Variants in UNC13B observed in about 807,000 individuals in gnomAD.
UNC13B encodes the protein unc-13 homolog B.
In UNC13B, 144 loss-of-function variants were observed where a neutral mutation model predicts 211.0. That is an observed-to-expected ratio of 0.68 (90% CI 0.60 to 0.78). UNC13B has a LOEUF of 0.78. Among genes scored for constraint, UNC13B ranks in the 30% least tolerant of loss-of-function variants. UNC13B has a pLI of 0.00. For missense variants in UNC13B, 1,777 were observed against 2,002.0 expected (o/e 0.89, Z 2.14); for synonymous variants, 709 against 725.8 (o/e 0.98, Z 0.37).
intron 11 of UNC13B, chr9:35,352,960 G>A: frequency 1.6e-6 from 2 of 1,232,160 alleles, no homozygotes; most frequent in Non-Finnish European, 2.0e-6. Flanking sequence ...CATTGTCTGG[G>A]TTACTGAAGA....
intron 5 of UNC13B, among the ~76,000 whole-genome samples, chr9:35,240,902 A>T (rs1825766240): frequency 6.6e-6 from 1 of 151,926 alleles, no homozygotes; most frequent in Admixed American, 6.6e-5. Context: ...AAAAATACAA[A>T]AAATTAGCTG....
chr9:35,251,639 A>G (rs112484971), intron 6 of UNC13B, among the ~76,000 whole-genome samples: 13 of 152,242 alleles, frequency 8.5e-5, no homozygotes, highest in African/African-American at 1.2e-4. Context: ...AAATATATCA[A>G]TATAGATCTC....
intron 26 of UNC13B, among the ~76,000 whole-genome samples, chr9:35,393,977 G>T (rs946534990): frequency 2.0e-5 from 3 of 152,198 alleles, no homozygotes; most frequent in Non-Finnish European, 2.9e-5. Context: ...TCTGTCTACA[G>T]TGTGGAGAGT....
At chr9:35,289,740 G>T (rs1828989941) in intron 7 of UNC13B, among the ~76,000 whole-genome samples, 1 of 152,122 alleles carries the variant, frequency 6.6e-6, no homozygotes, top group Admixed American at 6.6e-5. Context: ...ACTTTGGGAG[G>T]CTGAGGCGGG....
At chr9:35,339,590 A>T (rs1831863723) in intron 11 of UNC13B, among the ~76,000 whole-genome samples, 2 of 152,234 alleles carry the variant, frequency 1.3e-5, no homozygotes, top group Admixed American at 1.3e-4. Context: ...TTTTGCTGGA[A>T]CATGGGAAGG....
At chr9:35,298,921 T>G (rs1829534116) in intron 8 of UNC13B, among the ~76,000 whole-genome samples, 2 of 152,100 alleles carry the variant, frequency 1.3e-5, no homozygotes, top group Non-Finnish European at 2.9e-5. Flanking sequence ...GCCTTTAGAT[T>G]TCACAAACAA....
intron 11 of UNC13B, among the ~76,000 whole-genome samples, chr9:35,317,709 T>A (rs1290645419): frequency 1.8e-4 from 26 of 145,860 alleles, no homozygotes; most frequent in South Asian, 4.4e-4. Flanking sequence ...TTTTTTTTTT[T>A]AATTTTTAGT....
At chr9:35,184,494 G>C (rs1270439573) in intron 1 of UNC13B, among the ~76,000 whole-genome samples, 1 of 152,206 alleles carries the variant, frequency 6.6e-6, no homozygotes, top group Non-Finnish European at 1.5e-5. Context: ...GATCACTCGA[G>C]GTCAGGAGTG....
rs757402517 is a variant in UNC13B, at chr9:35,403,172, G to C, written c.12490G>C (p.Gly4164Arg). Residue 4164 changes from glycine to arginine, a missense_variant, in exon 38 of 40, where the codon GGT becomes CGT. Coordinates refer to ENST00000635942, the MANE Select transcript of UNC13B (RefSeq NM_001371189.2). ...TCTCTCCATTTGTCCCTCAGGGTCT[G>C]GTGTGGACGATCCTGTGGGAGAAGT... ...FVRSQTTQGSGVDDPVGEVSI... is the reference protein window; with the variant it reads ...FVRSQTTQGSRVDDPVGEVSI... 4.8e-5 allele frequency: 78 copies of C among 1,613,942 alleles called. No individual in the cohort carries two copies. The highest frequency in any genetic ancestry group is 6.4e-5 in the Non-Finnish European group (75 of 1,179,962).
At chr9:35,259,746 C>T (rs973793263) in intron 7 of UNC13B, among the ~76,000 whole-genome samples, 5 of 122,210 alleles carry the variant, frequency 4.1e-5, no homozygotes, top group Admixed American at 1.2e-4. Context: ...TGATCTATTT[C>T]GCTTTTTCAA....
intron 5 of UNC13B, among the ~76,000 whole-genome samples, chr9:35,241,591 ACACAC>A (rs1305147644): frequency 9.6e-6 from 1 of 103,636 alleles, no homozygotes; most frequent in African/African-American, 3.2e-5. Context: ...ACACACACAC[ACACAC>A]CACCATCTTC....
At chr9:35,236,031 C>A (rs1587433763) in intron 3 of UNC13B, among the ~76,000 whole-genome samples, 1 of 118,452 alleles carries the variant, frequency 8.4e-6, no homozygotes, top group Non-Finnish European at 1.6e-5. Flanking sequence ...AGAAACTGTA[C>A]ATAATTAATG....
intron 11 of UNC13B, among the ~76,000 whole-genome samples, chr9:35,317,819 G>A (rs7468727): frequency 0.11 from 17,362 of 151,622 alleles, 1,429 homozygotes; most frequent in Admixed American, 0.22. Context: ...TTACAGGCAT[G>A]AGCCACCACG....
chr9:35,205,011 G>A (rs922125906), intron 1 of UNC13B, among the ~76,000 whole-genome samples: 1 of 152,160 alleles, frequency 6.6e-6, no homozygotes, highest in Non-Finnish European at 1.5e-5. Flanking sequence ...GGAGGTGATG[G>A]ATAATGGGGT....
chr9:35,255,787 A>T (rs1826845339), intron 6 of UNC13B, among the ~76,000 whole-genome samples: 7 of 152,138 alleles, frequency 4.6e-5, no homozygotes, highest in Admixed American at 4.6e-4. Flanking sequence ...AGACTCTTGG[A>T]GCCAGAGGCT....
intron 7 of UNC13B, among the ~76,000 whole-genome samples, chr9:35,268,684 A>C (rs1302312324): frequency 6.6e-6 from 1 of 152,182 alleles, no homozygotes; most frequent in Non-Finnish European, 1.5e-5. Context: ...AGGTTACTGC[A>C]CAGCTGATGT....
At chr9:35,376,005 G>A in intron 14 of UNC13B, 23 bp from the exon 15 acceptor site, 1 of 1,612,308 alleles carries the variant, frequency 6.2e-7, no homozygotes, top group Middle Eastern at 1.7e-4. Flanking sequence ...CAAAAATCAT[G>A]GGATGGGGTA....
At position 35,380,411 on chromosome 9, in the gene UNC13B, T is replaced by G; in HGVS notation, c.10206-59T>G. 3 of 1,569,624 alleles carry G rather than the reference T, an allele frequency of 1.9e-6. No homozygotes were observed. The South Asian group carries it at 3.5e-5, about 18-fold the overall frequency. Reference sequence around the variant, plus strand: ...GGAGCTTTTGGGAGGGAATAGGAAGTAACAGGATTTGGCGCTACTGGGTCT... The same window carrying G: ...GGAGCTTTTGGGAGGGAATAGGAAGGAACAGGATTTGGCGCTACTGGGTCT... On this transcript the variant is annotated intron_variant, in intron 17 of 39. Transcript: ENST00000635942.
At chr9:35,203,846 G>A (rs921124995) in intron 1 of UNC13B, among the ~76,000 whole-genome samples, 12 of 152,262 alleles carry the variant, frequency 7.9e-5, no homozygotes, top group African/African-American at 2.9e-4. Context: ...TTTCAGTGGA[G>A]GAATTCAATC....
Sources: gnomAD v4.1 joint callset for allele counts (sites outside exome capture counted in the v4.1 genomes callset) on GRCh38, gnomAD v4.1.1 for gene constraint, MANE v1.5 for transcripts, NCBI Gene and HGNC (gene_info 2026-07-23, HGNC 2026-07-21) for gene names.